The following DHRS7B variants were observed in gnomAD, a reference collection of about 807,000 sequenced individuals.
DHRS7B encodes peroxisomal reductase activating PPAR-gamma.
In DHRS7B, 24 loss-of-function variants were observed where a neutral mutation model predicts 26.4. The ratio of observed to expected loss-of-function variants is 0.91; its 90% CI spans 0.66 to 1.28. The LOEUF is 1.28. Ranked by LOEUF, DHRS7B falls within the 50% of genes most tolerant of loss-of-function variation. DHRS7B has a pLI of 0.00. For synonymous variants in DHRS7B, 142 were observed against 166.4 expected (o/e 0.85, Z 1.13); for missense variants, 368 against 419.4 (o/e 0.88, Z 1.07).
intron 5 of DHRS7B, 39 bp from the exon 6 acceptor site, chr17:21,188,672 A>G: frequency 2.6e-6 from 4 of 1,543,660 alleles, no homozygotes; most frequent in Non-Finnish European, 3.5e-6. Context: ...TGCCCACCCC[A>G]GCGCACTCAG....
chr17:21,146,167 G>A (rs1477565559), intron 1 of DHRS7B, among the ~76,000 whole-genome samples: 1 of 152,184 alleles, frequency 6.6e-6, no homozygotes, highest in African/African-American at 2.4e-5. Context: ...CCAGCACTTT[G>A]GGAGGCTGAG....
chr17:21,169,394 A>G (rs956314531), intron 1 of DHRS7B, among the ~76,000 whole-genome samples: 2 of 152,182 alleles, frequency 1.3e-5, no homozygotes, highest in African/African-American at 4.8e-5. Flanking sequence ...TGCTGGTGGC[A>G]GCTGTGTTCC....
At chr17:21,148,767 A>T (rs1203051946) in intron 1 of DHRS7B, among the ~76,000 whole-genome samples, 1 of 152,024 alleles carries the variant, frequency 6.6e-6, no homozygotes, top group Non-Finnish European at 1.5e-5. Context: ...AAACCAGAAA[A>T]TACACAGAGG....
At position 21,172,139 on chromosome 17, in the gene DHRS7B, G is replaced by T. The variant is rs114096705; in HGVS notation, c.142G>T (p.Ala48Ser). Reference sequence around the variant, plus strand: ...GCTGCTGCAGTGGGTGCGCGGGAAGGCCTACCTGCGGAATGCTGTGGTGGT... The same window carrying T: ...GCTGCTGCAGTGGGTGCGCGGGAAGTCCTACCTGCGGAATGCTGTGGTGGT... ...FRLLQWVRGK[A>S]YLRNAVVVIT... is the part of the protein sequence containing the mutation. Residue 48 changes from alanine to serine, a missense_variant, in exon 2 of 7, where the codon GCC (alanine) becomes TCC (serine). Transcript: ENST00000395511. 3.5e-4 allele frequency: 565 copies of T among 1,614,010 alleles called. 2 individuals are homozygous for T. In the African/African-American group the frequency reaches 6.8e-3, roughly 19 times the overall value.
rs1450515592 is a variant in DHRS7B, at chr17:21,178,268, CT to C, written c.236del (p.Leu79ArgfsTer11). The part of the protein sequence containing the change: ...AKVFYAAGAK[L>X]VLCGRNGGAL... ...AGTCTTCTATGCTGCGGGTGCTAAA[CT>C]GGTGCTCTGTGGCCGGAATGGTGGG... On this transcript the variant is annotated frameshift_variant, in exon 3 of 7. Transcript: ENST00000395511. LOFTEE classifies it high-confidence loss of function. 1 of 1,614,274 alleles carries C rather than the reference CT, an allele frequency of 6.2e-7. No individual in the cohort carries two copies. The highest frequency in any genetic ancestry group is 1.3e-5 in the African/African-American group (1 of 75,082).
In DHRS7B at chr17:21,176,380, C is replaced by T. The variant is rs143573867; in HGVS notation, c.200-1853C>T. 4.5e-4 allele frequency among the ~76,000 whole-genome samples: 69 copies of T among 152,064 alleles called. 1 individual carries two copies. In the East Asian group the frequency reaches 6.8e-3, roughly 15 times the overall value. On this transcript the variant is annotated intron_variant, in intron 2 of 6. Transcript: ENST00000395511. ...TTTTGGGAAGTCATGGCAGGAAGAT[C>T]GCTTGAGCCCAGGAATTTGACACCA...
At chr17:21,134,141 T>C (rs1182453664) in intron 1 of DHRS7B, among the ~76,000 whole-genome samples, 1 of 152,232 alleles carries the variant, frequency 6.6e-6, no homozygotes, top group Non-Finnish European at 1.5e-5. Context: ...TAGGCAAGAC[T>C]AGACTCCAAC....
intron 1 of DHRS7B, among the ~76,000 whole-genome samples, chr17:21,157,607 C>G (rs1048920938): frequency 6.6e-6 from 1 of 152,138 alleles, no homozygotes; most frequent in Non-Finnish European, 1.5e-5. Context: ...GGTGGGAGAA[C>G]TGCTTGAGCC....
intron 1 of DHRS7B, among the ~76,000 whole-genome samples, chr17:21,167,586 C>T (rs767650849): frequency 1.3e-5 from 2 of 152,130 alleles, no homozygotes; most frequent in Non-Finnish European, 2.9e-5. Context: ...ACTATGGTTT[C>T]TATTTGAGGG....
chr17:21,162,109 C>T (rs1264385691), intron 1 of DHRS7B, among the ~76,000 whole-genome samples: 1 of 151,470 alleles, frequency 6.6e-6, no homozygotes, highest in Non-Finnish European at 1.5e-5. Context: ...CCAACAGAGA[C>T]ATGATGATTT....
Position 21,133,711 on chromosome 17 carries a change from T to C in DHRS7B, c.20+6720T>C, listed in dbSNP as rs1485165866. On this transcript the variant is annotated intron_variant, in intron 1 of 6. Coordinates refer to ENST00000395511, the MANE Select transcript of DHRS7B (RefSeq NM_015510.5). ...TCAAGTTTCATCTGATCTCTCATGG[T>C]TAGGATGGTTTATTCCTAGTTAGTT... is the stretch of plus-strand genomic sequence containing the variant. Among the ~76,000 whole-genome samples the C allele has an allele frequency of 2.0e-5, 3 of 152,200 alleles. No individual in the cohort carries two copies. The East Asian group carries it at 5.8e-4, about 29-fold the overall frequency.
intron 1 of DHRS7B, among the ~76,000 whole-genome samples, chr17:21,138,101 T>TATATACACAC (rs1555536219): frequency 1.2e-5 from 1 of 86,146 alleles, no homozygotes; most frequent in South Asian, 4.8e-4. Flanking sequence ...TATATATATA[T>TATATACACAC]ACACACACAC....
At position 21,178,323 on chromosome 17, in the gene DHRS7B, C is replaced by T. The variant is rs116227155; in HGVS notation, c.290C>T (p.Thr97Ile). The change falls in exon 3 of 7, where the codon ACC (threonine) becomes ATC (isoleucine). Residue 97 changes from threonine to isoleucine, a missense_variant. Coordinates refer to ENST00000395511, the MANE Select transcript of DHRS7B (RefSeq NM_015510.5). ...CTAGAAGAGCTCATCAGAGAACTCA[C>T]CGCTTCTCATGCCACCAAGGTGAGC... ...GALEELIREL[T>I]ASHATKVQTH... 9.3e-4 allele frequency: 1,506 copies of T among 1,614,028 alleles called. 13 individuals carry two copies. The African/African-American group carries it at 0.017, about 19-fold the overall frequency.
chr17:21,170,297 ACAGCTTTC>A (rs1029293476), intron 1 of DHRS7B, among the ~76,000 whole-genome samples: 5 of 152,166 alleles, frequency 3.3e-5, no homozygotes, highest in Non-Finnish European at 7.4e-5. Context: ...TGCCTACTCT[ACAGCTTTC>A]CTGAGCACTT....
At chr17:21,130,125 C>T (rs949926437) in intron 1 of DHRS7B, among the ~76,000 whole-genome samples, 8 of 152,158 alleles carry the variant, frequency 5.3e-5, no homozygotes, top group Non-Finnish European at 7.3e-5. Flanking sequence ...TGGCTGAGCA[C>T]GGTGGCTCAC....
chr17:21,145,861 A>C (rs1217544461), intron 1 of DHRS7B, among the ~76,000 whole-genome samples: 2 of 152,214 alleles, frequency 1.3e-5, no homozygotes, highest in African/African-American at 4.8e-5. Flanking sequence ...TAGGTGTATT[A>C]AATGTATTTT....
intron 1 of DHRS7B, among the ~76,000 whole-genome samples, chr17:21,129,750 C>T (rs557629746): frequency 1.3e-3 from 187 of 144,228 alleles, no homozygotes; most frequent in Admixed American, 2.8e-3. Flanking sequence ...AAGCATTAAA[C>T]CAGACTGGAA....
At chr17:21,148,880 G>A (rs935101153) in intron 1 of DHRS7B, among the ~76,000 whole-genome samples, 2 of 152,144 alleles carry the variant, frequency 1.3e-5, no homozygotes, top group Non-Finnish European at 2.9e-5. Flanking sequence ...AGAGAGTTGA[G>A]CAAGAGCAAA....
At chr17:21,168,276 T>G (rs1357183744) in intron 1 of DHRS7B, among the ~76,000 whole-genome samples, 1 of 152,212 alleles carries the variant, frequency 6.6e-6, no homozygotes, top group African/African-American at 2.4e-5. Flanking sequence ...TATGCTGGAA[T>G]TGAACCTGAT....
Sources: gnomAD v4.1 joint callset for allele counts (sites outside exome capture counted in the v4.1 genomes callset) on GRCh38, gnomAD v4.1.1 for gene constraint, MANE v1.5 for transcripts, NCBI Gene and HGNC (gene_info 2026-07-23, HGNC 2026-07-21) for gene names.